SNTG1: variants seen among roughly 807,000 people sequenced by gnomAD.
SNTG1 encodes syntrophin gamma 1.
SNTG1 carries 39 observed loss-of-function variants against 74.7 expected under a neutral mutation model. The ratio of observed to expected loss-of-function variants is 0.52; its 90% confidence interval spans 0.40 to 0.68. The LOEUF is 0.68. SNTG1 is among the 30% of genes least tolerant of loss of function. The pLI, the probability that SNTG1 is intolerant of heterozygous loss-of-function variation, is 0.00. For missense variants in SNTG1, 685 were observed against 609.5 expected, an observed-to-expected ratio of 1.12 and a Z score of -1.30; for synonymous variants, 254 against 217.1, an observed-to-expected ratio of 1.17 and a Z score of -1.49.
intron 1 of SNTG1, among the ~76,000 whole-genome samples, chr8:49,914,137 T>C (rs1805819087): frequency 6.6e-6 from 1 of 152,148 alleles, no homozygotes; most frequent in Non-Finnish European, 1.5e-5. Context: ...TGCTAATCTC[T>C]AATTGTAAAG....
chr8:50,321,580 C>CTTG (rs34128532), intron 2 of SNTG1, among the ~76,000 whole-genome samples: 71,642 of 151,492 alleles, frequency 0.47, 19,301 homozygotes, highest in East Asian at 0.83. Context: ...TTGTTGTTTT[C>CTTG]TTGTTTTGTG....
At chr8:50,672,652 T>C (rs1040452961) in intron 15 of SNTG1, among the ~76,000 whole-genome samples, 2 of 152,212 alleles carry the variant, frequency 1.3e-5, no homozygotes, top group African/African-American at 4.8e-5. Flanking sequence ...TTCACTCTGA[T>C]GATAGTTTAT....
chr8:50,471,021 G>A (rs868413384), intron 8 of SNTG1, among the ~76,000 whole-genome samples: 4 of 152,060 alleles, frequency 2.6e-5, no homozygotes, highest in African/African-American at 9.7e-5. Context: ...GCTGATTGGT[G>A]TGTTTTTACA....
chr8:49,924,619 T>C (rs950772801), intron 1 of SNTG1, among the ~76,000 whole-genome samples: 9 of 152,172 alleles, frequency 5.9e-5, no homozygotes, highest in African/African-American at 2.2e-4. Flanking sequence ...CTGCAATTTG[T>C]TTCAAGTTTC....
chr8:50,052,466 C>A (rs1021968611), intron 1 of SNTG1, among the ~76,000 whole-genome samples: 3 of 152,050 alleles, frequency 2.0e-5, no homozygotes, highest in African/African-American at 7.2e-5. Context: ...AAAATTACAA[C>A]ACTCTTATAG....
intron 2 of SNTG1, among the ~76,000 whole-genome samples, chr8:50,236,697 G>C (rs568483662): frequency 1.3e-5 from 2 of 152,100 alleles, no homozygotes; most frequent in Non-Finnish European, 2.9e-5. Context: ...TGATCCGCCC[G>C]CCTTGGCCTC....
chr8:50,645,746 A>G (rs1339678181), intron 13 of SNTG1, among the ~76,000 whole-genome samples: 1 of 152,084 alleles, frequency 6.6e-6, no homozygotes, highest in Admixed American at 6.5e-5. Flanking sequence ...GTTATTACTC[A>G]TTTATTTTTC....
chr8:50,107,172 T>C (rs561808830), intron 1 of SNTG1, among the ~76,000 whole-genome samples: 38 of 152,328 alleles, frequency 2.5e-4, no homozygotes, highest in African/African-American at 8.9e-4. Context: ...TGCCCTTTTA[T>C]ATTTTCATCT....
intron 18 of SNTG1, among the ~76,000 whole-genome samples, chr8:50,790,355 A>G (rs1283207219): frequency 6.6e-6 from 1 of 151,918 alleles, no homozygotes; most frequent in Non-Finnish European, 1.5e-5. Context: ...GACTCTTTAC[A>G]TTTTTGAAGA....
chr8:50,445,399 T>C (rs2093397501), intron 5 of SNTG1, among the ~76,000 whole-genome samples: 1 of 152,188 alleles, frequency 6.6e-6, no homozygotes, highest in African/African-American at 2.4e-5. Flanking sequence ...GATTGATTAA[T>C]TGATTGGAGT....
intron 11 of SNTG1, among the ~76,000 whole-genome samples, chr8:50,550,501 C>A (rs568269149): frequency 1.2e-4 from 18 of 152,180 alleles, no homozygotes; most frequent in African/African-American, 4.1e-4. Context: ...ATTTTTCATT[C>A]AAGGAAGACT....
At chr8:50,087,786 T>C (rs892857465) in intron 1 of SNTG1, among the ~76,000 whole-genome samples, 2 of 152,138 alleles carry the variant, frequency 1.3e-5, no homozygotes, top group South Asian at 4.1e-4. Flanking sequence ...TTTATTTATT[T>C]ATTTTTTATT....
chr8:50,474,696 A>ATGG (rs1003391861), intron 8 of SNTG1, among the ~76,000 whole-genome samples: 71 of 152,294 alleles, frequency 4.7e-4, no homozygotes, highest in African/African-American at 1.6e-3. Flanking sequence ...AGAACTAGAA[A>ATGG]TACCATTTGA....
chr8:50,117,730 C>A (rs762773878), intron 1 of SNTG1, among the ~76,000 whole-genome samples: 1 of 152,164 alleles, frequency 6.6e-6, no homozygotes, highest in Non-Finnish European at 1.5e-5. Flanking sequence ...CTTATTCTCT[C>A]TGTTACCACT....
At chr8:50,016,797 C>T (rs1183641792) in intron 1 of SNTG1, among the ~76,000 whole-genome samples, 1 of 152,050 alleles carries the variant, frequency 6.6e-6, no homozygotes, top group Non-Finnish European at 1.5e-5. Flanking sequence ...TGATGTATAA[C>T]AAACCACATT....
intron 2 of SNTG1, among the ~76,000 whole-genome samples, chr8:50,202,563 C>G (rs1406612835): frequency 6.6e-6 from 1 of 152,124 alleles, no homozygotes; most frequent in East Asian, 1.9e-4. Context: ...TTCTATTGCA[C>G]AGATGACCCA....
chr8:50,485,334 T>C (rs16919578), intron 8 of SNTG1, among the ~76,000 whole-genome samples: 90,506 of 152,076 alleles, frequency 0.6, 31,283 homozygotes, highest in Non-Finnish European at 0.77. Flanking sequence ...TTGAATCCTT[T>C]TATGCAGACT....
At chr8:50,081,736 T>A (rs1822434382) in intron 1 of SNTG1, among the ~76,000 whole-genome samples, 1 of 152,066 alleles carries the variant, frequency 6.6e-6, no homozygotes, top group South Asian at 2.1e-4. Flanking sequence ...CGAGTTCAAG[T>A]GATTCTTCTG....
At chr8:50,166,052 A>T (rs2082605428) in intron 1 of SNTG1, among the ~76,000 whole-genome samples, 1 of 122,654 alleles carries the variant, frequency 8.2e-6, no homozygotes, top group South Asian at 3.2e-4. Context: ...TGGTGCTGGG[A>T]AAACTGGCTA....
Sources: gnomAD v4.1 joint callset for allele counts (sites outside exome capture counted in the v4.1 genomes callset) on GRCh38, gnomAD v4.1.1 for gene constraint, MANE v1.5 for transcripts, NCBI Gene and HGNC (gene_info 2026-07-23, HGNC 2026-07-21) for gene names.